The following TTN variants were observed in gnomAD, a reference collection of about 807,000 sequenced individuals.
TTN encodes the protein titin.
A neutral mutation model predicts 3,223.0 loss-of-function variants in TTN; 1,525 were observed. The ratio of observed to expected loss-of-function variants is 0.47; its 90% CI spans 0.45 to 0.49. The LOEUF is 0.49. Ranked by LOEUF, TTN falls within the 20% of genes least tolerant of loss-of-function variation. The probability of loss-of-function intolerance (pLI) is 0.00; values close to 1 mark genes in which losing one functional copy is unlikely to be tolerated. For missense variants in TTN, 40,786 were observed against 43,424.0 expected, an observed-to-expected ratio of 0.94 and a Z score of 5.40; for synonymous variants, 14,094 against 15,161.0, an observed-to-expected ratio of 0.93 and a Z score of 5.17.
intron 115 of TTN, 102 bp from the exon 116 acceptor site, chr2:178,695,008 A>C: frequency 6.2e-6 from 5 of 809,138 alleles, no homozygotes; most frequent in African/African-American, 1.7e-5. Flanking sequence ...ATACACACCT[A>C]TAAGTGTATA....
chr2:178,598,711 A>G, intron 291 of TTN, 37 bp downstream of exon 291: 1 of 1,602,904 alleles, frequency 6.2e-7, no homozygotes. Flanking sequence ...CTTTTGGAAA[A>G]TAAGATTTAA....
In TTN at chr2:178,548,821, A is replaced by T; in HGVS notation, c.92805T>A (p.His30935Gln). The T allele has an allele frequency of 3.1e-6, 5 of 1,612,932 alleles. No homozygotes were observed. The highest frequency in any genetic ancestry group is 4.2e-6 in the Non-Finnish European group (5 of 1,179,808). The change falls in exon 339 of 363, where the codon CAT (histidine) becomes CAA (glutamine). Residue 30935 changes from histidine (H) to glutamine (Q), a missense_variant. Physicochemically the swap from His to Gln is conservative, Grantham distance 24. Coordinates refer to ENST00000589042, the MANE Select transcript of TTN (RefSeq NM_001267550.2). This position sits in a 1 kb window ranked among gnomAD's most constrained non-coding sequence, Gnocchi z 4.3. ...GAATACTGGCCCCAGCTCTAACAAC[A>T]TGAGTCTGTTTGAAGTTTGCATCTA... ...LDIDANFKQTHVVRAGASIRL... is the reference protein window; with the variant it reads ...LDIDANFKQTQVVRAGASIRL...
Position 178,607,702 on chromosome 2 carries a change from G to C in TTN, c.53003-17C>G. 1 of 1,612,594 alleles carries C rather than the reference G, an allele frequency of 6.2e-7. No individual in the cohort carries two copies. On this transcript the variant is annotated splice_polypyrimidine_tract_variant and intron_variant, in intron 276 of 362. Transcript: ENST00000589042. ...CTGGAGGCTCTGTTGAAAGAGAACA[G>C]TCATGCATTAGCCCATGAAAGATTA... is the stretch of plus-strand genomic sequence containing the variant.
chr2:178,802,520 G>A (rs756700304), intron 2 of TTN, among the ~76,000 whole-genome samples, 179 bp from the exon 3 acceptor site: 7 of 152,148 alleles, frequency 4.6e-5, no homozygotes, highest in Non-Finnish European at 1.5e-5. Flanking sequence ...CAGACCATTA[G>A]GAAGGCAGGA....
At position 178,773,197 on chromosome 2, in the gene TTN, C is replaced by T. The variant is rs372080212; in HGVS notation, c.7767G>A (p.Leu2589=). 1 of 1,613,658 alleles carries T rather than the reference C, an allele frequency of 6.2e-7. No homozygotes were observed. ...KIEAHGKIYK[L]TVLNMMKDDE... ...CATCTTTCATCATATTTAGAACTGTCAATTTATATATTTTTCCATGTGCTT... is the reference window on the plus strand; with the variant it reads ...CATCTTTCATCATATTTAGAACTGTTAATTTATATATTTTTCCATGTGCTT... The change falls in exon 33 of 363, where the codon TTG becomes TTA. Residue 2589 remains leucine, a synonymous_variant. Transcript: ENST00000589042.
chr2:178,685,085 T>C, intron 129 of TTN, 96 bp from the exon 130 acceptor site: 1 of 1,207,900 alleles, frequency 8.3e-7, no homozygotes, highest in South Asian at 1.4e-5. Flanking sequence ...AGATTGCACA[T>C]ATATACAAAC....
rs774643116 is a variant in TTN at position 178,782,357 on chromosome 2, G to T, written c.3235C>A (p.Pro1079Thr). 12 of 1,613,928 alleles carry T rather than the reference G, an allele frequency of 7.4e-6. No individual in the cohort carries two copies. In the Admixed American group the frequency reaches 1.3e-4, roughly 18 times the overall value. The change falls in exon 20 of 363, where the codon CCT (proline) becomes ACT (threonine). Residue 1079 changes from proline to threonine, a missense_variant. Transcript: ENST00000589042. ...LTEEQAGPGEPAAPYFITKPV... is the reference protein window; with the variant it reads ...LTEEQAGPGETAAPYFITKPV... ...TTTGTAATAAAGTAAGGCGCGGCAGGTTCTCCAGGCCCTGCTTGTTCCTCT... is the reference window on the plus strand; with the variant it reads ...TTTGTAATAAAGTAAGGCGCGGCAGTTTCTCCAGGCCCTGCTTGTTCCTCT...
At chr2:178,701,387 T>C in intron 110 of TTN, 141 bp downstream of exon 110, 1 of 1,027,216 alleles carries the variant, frequency 9.7e-7, no homozygotes, top group Non-Finnish European at 1.4e-6. Context: ...CTTTAATTTC[T>C]AATTGCTCAC....
At position 178,720,291 on chromosome 2, in the gene TTN, G is replaced by GA. The variant is rs901501609; in HGVS notation, c.23378-28dup. 8 of 1,593,916 alleles carry GA rather than the reference G, an allele frequency of 5.0e-6. No homozygotes were observed. In the Admixed American group the frequency reaches 1.0e-4, roughly 21 times the overall value. ...TGATGAAAGAAATTTGTGGTTAGAG[G>GA]AAAAAATGTGAGAATCATGGCCACA... On this transcript the variant is annotated intron_variant, in intron 80 of 362. Transcript: ENST00000589042.
At position 178,612,108 on chromosome 2, in the gene TTN, A is replaced by G. The variant is rs750493696; in HGVS notation, c.50303T>C (p.Val16768Ala). 2 of 1,612,022 alleles carry G rather than the reference A, an allele frequency of 1.2e-6. No homozygotes were observed. The highest frequency in any genetic ancestry group is 1.7e-4 in the Middle Eastern group (1 of 6,044). ...LAVVDVTKRH[V>A]DLKWEPPKND... Reference sequence around the variant, plus strand: ...TTTAGGTGGCTCCCACTTTAGGTCAACATGTCGTTTTGTCACATCAACCAC... The same window carrying G: ...TTTAGGTGGCTCCCACTTTAGGTCAGCATGTCGTTTTGTCACATCAACCAC... The change falls in exon 267 of 363, where the codon GTT becomes GCT. Residue 16768 changes from valine to alanine, a missense_variant. Coordinates refer to ENST00000589042, the MANE Select transcript of TTN (RefSeq NM_001267550.2).
intron 282 of TTN, among the ~76,000 whole-genome samples, chr2:178,603,404 C>G (rs2053973514): frequency 6.6e-6 from 1 of 151,876 alleles, no homozygotes; most frequent in South Asian, 2.1e-4. Context: ...GAATTTTTCT[C>G]TCTTATTTGA....
intron 165 of TTN, 71 bp downstream of exon 165, chr2:178,665,306 G>A: frequency 7.3e-7 from 1 of 1,378,066 alleles, no homozygotes; most frequent in South Asian, 1.2e-5. Context: ...AAGAGTATTA[G>A]GAAGAAACCA....
At chr2:178,715,452 G>A in intron 89 of TTN, 41 bp downstream of exon 89, 1 of 1,568,504 alleles carries the variant, frequency 6.4e-7, no homozygotes. Flanking sequence ...AATTAAAGAG[G>A]AGGCTAATGT....
At position 178,618,712 on chromosome 2, in the gene TTN, A is replaced by G. The variant is rs879064998; in HGVS notation, c.46838T>C (p.Ile15613Thr). 1.2e-6 allele frequency: 2 copies of G among 1,612,004 alleles called. No homozygotes were observed. The highest frequency in any genetic ancestry group is 2.2e-5 in the East Asian group (1 of 44,648). The part of the protein sequence containing the change: ...KENEPLSTKT[I>T]DTTAEQTSFR... ...AGAAGTTTGTTCAGCCGTAGTATCA[A>G]TGGTTTTTGTAGATAAAGGTTCATT... Residue 15613 changes from isoleucine to threonine, a missense_variant, in exon 251 of 363, where the codon ATT becomes ACT. Coordinates refer to ENST00000589042, the MANE Select transcript of TTN (RefSeq NM_001267550.2).
rs2088082481 is a variant in TTN, at chr2:178,758,725, C to T, written c.10303+259G>A. ...GATTCATGCTGATTAGGAAGCATGA[C>T]AGCTGGTGACAGCAGCAATACATTA... On this transcript the variant is annotated intron_variant, in intron 44 of 362. Transcript: ENST00000589042. 5 of 504,464 alleles carry T rather than the reference C, an allele frequency of 9.9e-6. No homozygotes were observed. The East Asian group carries it at 1.8e-4, about 18-fold the overall frequency. The allele number at this position is 504,464 out of a possible 1,614,324, so 31.2% of individuals were successfully genotyped here.
chr2:178,680,509 A>G (rs888998056), intron 138 of TTN, among the ~76,000 whole-genome samples, 178 bp from the exon 139 acceptor site: 6 of 152,064 alleles, frequency 3.9e-5, no homozygotes, highest in Non-Finnish European at 7.4e-5. Context: ...AGCTTCATAT[A>G]AATACAAGTA....
At chr2:178,698,727 G>C (rs2154286473) in intron 112 of TTN, 116 bp downstream of exon 112, 1 of 920,336 alleles carries the variant, frequency 1.1e-6, no homozygotes, top group Non-Finnish European at 1.6e-6. Context: ...AGTGAAGGGA[G>C]AGGTACCATT....
chr2:178,652,904 G>C lies in TTN; in HGVS notation c.38903C>G (p.Pro12968Arg), dbSNP rs766714975. Residue 12968 changes from proline to arginine, a missense_variant, in exon 200 of 363, where the codon CCT becomes CGT. Coordinates refer to ENST00000589042, the MANE Select transcript of TTN (RefSeq NM_001267550.2). Reference protein sequence around the residue: ...KVPEAPIEVVPEKKMPLAPPK... With the variant: ...KVPEAPIEVVREKKMPLAPPK... ...AGGAGCCAAGGGCATTTTCTTTTCA[G>C]GAACAACCTCTATGGGAGCCTCTGG... 6.2e-7 allele frequency: 1 copy of C among 1,605,578 alleles called. No homozygotes were observed. Among genetic ancestry groups the C allele is most frequent in the Non-Finnish European group, 8.5e-7 (1 of 1,176,450 alleles).
In TTN at chr2:178,730,677, C is replaced by T; in HGVS notation, c.17856G>A (p.Trp5952Ter). Residue 5952 changes from tryptophan to a stop codon, truncating the protein, a stop_gained, in exon 61 of 363, where the codon TGG becomes TGA. Coordinates refer to ENST00000589042, the MANE Select transcript of TTN (RefSeq NM_001267550.2). LOFTEE classifies it high-confidence loss of function. ...VAGSHPISIQ[W>*]FKDDQEISAS... is the part of the protein sequence containing the mutation. ...CTGATATTTCTTGGTCATCTTTGAA[C>T]CACTGGATGCTTATGGGATGTGACC... 1 of 1,613,620 alleles carries T rather than the reference C, an allele frequency of 6.2e-7. No individual in the cohort carries two copies. The highest frequency in any genetic ancestry group is 8.5e-7 in the Non-Finnish European group (1 of 1,179,688).
Sources: gnomAD v4.1 joint callset for allele counts (sites outside exome capture counted in the v4.1 genomes callset) on GRCh38, gnomAD v4.1.1 for gene constraint, Gnocchi (gnomAD v3.1) non-coding constraint, MANE v1.5 for transcripts, NCBI Gene and HGNC (gene_info 2026-07-23, HGNC 2026-07-21) for gene names.